LRP1B: variants seen among roughly 807,000 people sequenced by gnomAD.
LRP1B encodes LDL receptor related protein 1B.
A neutral mutation model predicts 556.6 loss-of-function variants in LRP1B; 217 were observed. The ratio of observed to expected loss-of-function variants is 0.39; its 90% CI spans 0.35 to 0.44. The LOEUF is 0.44. Among genes scored for constraint, LRP1B ranks in the 20% least tolerant of loss-of-function variants. The pLI is 1.00. For missense variants in LRP1B, 5,053 were observed against 5,620.8 expected, an observed-to-expected ratio of 0.90 and a Z score of 3.23; for synonymous variants, 2,047 against 1,865.8, an observed-to-expected ratio of 1.10 and a Z score of -2.50.
chr2:140,827,451 T>G (rs1427002500), intron 31 of LRP1B, among the ~76,000 whole-genome samples: 1 of 151,816 alleles, frequency 6.6e-6, no homozygotes, highest in Non-Finnish European at 1.5e-5. Flanking sequence ...AACAGAAATC[T>G]TAGAAGTGAG....
At chr2:140,895,509 C>CGGCAG (rs1438506089) in intron 23 of LRP1B, among the ~76,000 whole-genome samples, 1 of 135,530 alleles carries the variant, frequency 7.4e-6, no homozygotes, top group Non-Finnish European at 1.7e-5. Context: ...GTCACCTCAC[C>CGGCAG]GGCAGGAGCA....
At chr2:141,657,059 AG>A (rs1376037129) in intron 2 of LRP1B, among the ~76,000 whole-genome samples, 1 of 152,108 alleles carries the variant, frequency 6.6e-6, no homozygotes, top group African/African-American at 2.4e-5. Context: ...ATAAAACTAC[AG>A]CTTGAAGGAG....
chr2:141,341,882 G>A (rs189489506), intron 3 of LRP1B, among the ~76,000 whole-genome samples: 1 of 152,240 alleles, frequency 6.6e-6, no homozygotes, highest in Admixed American at 6.5e-5. Flanking sequence ...AATATTTGGA[G>A]GGGTGTTTAT....
chr2:140,315,380 G>T (rs1440593232), intron 82 of LRP1B, among the ~76,000 whole-genome samples: 1 of 151,982 alleles, frequency 6.6e-6, no homozygotes, highest in Admixed American at 6.6e-5. Context: ...AAAACTAACT[G>T]AAACTTTCTA....
intron 83 of LRP1B, among the ~76,000 whole-genome samples, chr2:140,310,414 C>CAAAA (rs10670842): frequency 5.3e-4 from 66 of 124,858 alleles, no homozygotes; most frequent in African/African-American, 1.7e-3. Context: ...CATACGGAAC[C>CAAAA]AAAAAAAAAA....
intron 1 of LRP1B, among the ~76,000 whole-genome samples, chr2:142,108,475 A>G (rs1235236575): frequency 1.3e-5 from 2 of 152,228 alleles, no homozygotes; most frequent in Non-Finnish European, 2.9e-5. Flanking sequence ...ATTGACTACT[A>G]TCCTCTCTCA....
chr2:140,999,062 A>G (rs1697335602), intron 15 of LRP1B, among the ~76,000 whole-genome samples: 2 of 152,086 alleles, frequency 1.3e-5, no homozygotes, highest in Admixed American at 1.3e-4. Context: ...TATTTTTTTC[A>G]TCTGCAAACT....
intron 66 of LRP1B, among the ~76,000 whole-genome samples, chr2:140,402,961 A>G (rs1684572840): frequency 6.6e-6 from 1 of 152,194 alleles, no homozygotes; most frequent in Non-Finnish European, 1.5e-5. Context: ...TTGCCCACAC[A>G]TCAAGTACAT....
chr2:141,285,709 G>A (rs1685689659), intron 3 of LRP1B, among the ~76,000 whole-genome samples: 1 of 146,538 alleles, frequency 6.8e-6, no homozygotes, highest in African/African-American at 2.5e-5. Flanking sequence ...GCCCACCTCG[G>A]CCTCCCAAAG....
intron 43 of LRP1B, among the ~76,000 whole-genome samples, chr2:140,597,178 G>A (rs1558993510): frequency 6.6e-6 from 1 of 152,042 alleles, no homozygotes; most frequent in African/African-American, 2.4e-5. Context: ...TAACTTCGGG[G>A]CCCAATCAGA....
chr2:142,057,037 T>C (rs1704702063), intron 1 of LRP1B, among the ~76,000 whole-genome samples: 1 of 152,142 alleles, frequency 6.6e-6, no homozygotes, highest in Non-Finnish European at 1.5e-5. Flanking sequence ...CTTTTTATGG[T>C]TTCTTATTGC....
chr2:140,720,718 C>T (rs1007850041), intron 35 of LRP1B, among the ~76,000 whole-genome samples: 2 of 152,102 alleles, frequency 1.3e-5, no homozygotes, highest in African/African-American at 2.4e-5. Flanking sequence ...TTGTTGACCA[C>T]CTTCTGTGAA....
chr2:142,049,266 T>A (rs892801428), intron 1 of LRP1B, among the ~76,000 whole-genome samples: 1 of 152,160 alleles, frequency 6.6e-6, no homozygotes, highest in Non-Finnish European at 1.5e-5. Context: ...CATGAAGTTT[T>A]CTGCTAGCAC....
chr2:141,019,991 T>TGA lies in LRP1B; in HGVS notation c.1899_1900dup (p.Gln634LeufsTer8), dbSNP rs1558804700. The TGA allele has an allele frequency of 6.2e-7, 1 of 1,612,104 alleles. No individual in the cohort carries two copies. Among genetic ancestry groups the TGA allele is most frequent in the Non-Finnish European group, 8.5e-7 (1 of 1,178,716 alleles). ...ACCCTCTAAAAGAGTCTTCCGACTC[T>TGA]GAGAAGCTTTTTCCAGCCTGGCCAC... On this transcript the variant is annotated frameshift_variant, in exon 12 of 91. Transcript: ENST00000389484. LOFTEE classifies it high-confidence loss of function.
In LRP1B at chr2:140,768,083, G is replaced by A. The variant is rs146214301; in HGVS notation, c.5758+1130C>T. 2.2e-3 allele frequency among the ~76,000 whole-genome samples: 332 copies of A among 151,974 alleles called. 1 individual carries two copies. The highest frequency in any genetic ancestry group is 7.3e-3 in the African/African-American group (303 of 41,538). ...AAATTAACATATTGCTTAATAAAAT[G>A]TGTTATACTTCTTTGTATTTCCTTT... On this transcript the variant is annotated intron_variant, in intron 35 of 90. Coordinates refer to ENST00000389484, the MANE Select transcript of LRP1B (RefSeq NM_018557.3).
intron 25 of LRP1B, among the ~76,000 whole-genome samples, chr2:140,875,021 TAA>T (rs200338098): frequency 7.9e-4 from 99 of 124,936 alleles, no homozygotes; most frequent in African/African-American, 1.9e-3. Flanking sequence ...TCTGTCTCAA[TAA>T]AAAAAAAAAA....
chr2:140,883,298 C>T (rs1473596461), intron 25 of LRP1B, among the ~76,000 whole-genome samples: 1 of 152,100 alleles, frequency 6.6e-6, no homozygotes, highest in Non-Finnish European at 1.5e-5. Flanking sequence ...TCTTTCAAAC[C>T]TCCTAACAGT....
chr2:141,766,012 C>A (rs1337800058), intron 2 of LRP1B, among the ~76,000 whole-genome samples: 2 of 152,152 alleles, frequency 1.3e-5, no homozygotes, highest in East Asian at 3.9e-4. Context: ...AAAAAAATCA[C>A]CCCATTGCTT....
At chr2:141,300,310 T>C (rs1686341855) in intron 3 of LRP1B, among the ~76,000 whole-genome samples, 1 of 152,164 alleles carries the variant, frequency 6.6e-6, no homozygotes, top group Non-Finnish European at 1.5e-5. Flanking sequence ...TGAGCACCAT[T>C]ATATAAATTT....
Sources: gnomAD v4.1 joint callset for allele counts (sites outside exome capture counted in the v4.1 genomes callset) on GRCh38, gnomAD v4.1.1 for gene constraint, MANE v1.5 for transcripts, NCBI Gene and HGNC (gene_info 2026-07-23, HGNC 2026-07-21) for gene names.